SYT14: variants seen among roughly 807,000 people sequenced by gnomAD.
SYT14 encodes the protein synaptotagmin-14.
A neutral mutation model predicts 74.2 loss-of-function variants in SYT14; 32 were observed. That is an observed-to-expected ratio of 0.43 (90% CI 0.33 to 0.58). SYT14 has a LOEUF of 0.58. Ranked by LOEUF, SYT14 falls within the 20% of genes least tolerant of loss-of-function variation. SYT14 has a pLI of 0.05. For synonymous variants in SYT14, 298 were observed against 337.7 expected, an observed-to-expected ratio of 0.88 and a Z score of 1.29; for missense variants, 791 against 981.8, an observed-to-expected ratio of 0.81 and a Z score of 2.60.
chr1:210,009,085 A>G (rs1242285997), intron 2 of SYT14, among the ~76,000 whole-genome samples: 1 of 152,234 alleles, frequency 6.6e-6, no homozygotes, highest in Non-Finnish European at 1.5e-5. Context: ...GTTGGGCTGC[A>G]TTCAAAGCCA....
In SYT14 at chr1:210,027,529, G is replaced by A. The variant is rs1210818490; in HGVS notation, c.1312+6275G>A. 2.6e-5 allele frequency among the ~76,000 whole-genome samples: 4 copies of A among 152,158 alleles called. No individual in the cohort carries two copies. In the South Asian group the frequency reaches 6.2e-4, roughly 24 times the overall value. On this transcript the variant is annotated intron_variant, in intron 5 of 9. Transcript: ENST00000637265. ...TCATGTTGAGTAGGCTGAGGAGGAA[G>A]AGGAGGGGTTGGTCTTGCTGTCTCA...
At chr1:210,137,608 AG>A (rs1458417091) in intron 7 of SYT14, among the ~76,000 whole-genome samples, 1 of 151,524 alleles carries the variant, frequency 6.6e-6, no homozygotes, top group Non-Finnish European at 1.5e-5. Context: ...TAAGGTAAAT[AG>A]GTAGAGTAGG....
At chr1:210,151,068 C>T (rs549546648) in intron 7 of SYT14, among the ~76,000 whole-genome samples, 2 of 152,058 alleles carry the variant, frequency 1.3e-5, no homozygotes, top group South Asian at 2.1e-4. Context: ...TAATCCTTTA[C>T]CCTAGGGCAG....
At chr1:210,002,492 A>G (rs749458364) in intron 2 of SYT14, among the ~76,000 whole-genome samples, 19 of 151,998 alleles carry the variant, frequency 1.3e-4, no homozygotes, top group Non-Finnish European at 2.4e-4. Flanking sequence ...ATTCATTTTT[A>G]TGGCTACATA....
At chr1:210,114,102 A>G (rs1233294010) in intron 7 of SYT14, among the ~76,000 whole-genome samples, 1 of 151,460 alleles carries the variant, frequency 6.6e-6, no homozygotes, top group East Asian at 1.9e-4. Flanking sequence ...AGATCTGGGA[A>G]GGAGTCAGTC....
At chr1:209,946,011 A>G (rs538878375) in intron 1 of SYT14, among the ~76,000 whole-genome samples, 1 of 152,128 alleles carries the variant, frequency 6.6e-6, no homozygotes, top group South Asian at 2.1e-4. Flanking sequence ...TATATTTGTT[A>G]TGATGATCTG....
chr1:210,110,115 CA>C (rs1180203809), intron 7 of SYT14, among the ~76,000 whole-genome samples: 1 of 152,010 alleles, frequency 6.6e-6, no homozygotes, highest in African/African-American at 2.4e-5. Context: ...CGAGGCCTGT[CA>C]GGGGATTGAG....
At chr1:210,150,811 G>T (rs1300720111) in intron 7 of SYT14, among the ~76,000 whole-genome samples, 1 of 152,076 alleles carries the variant, frequency 6.6e-6, no homozygotes, top group Non-Finnish European at 1.5e-5. Context: ...AACATAAGTA[G>T]TTACAAGTAA....
intron 2 of SYT14, among the ~76,000 whole-genome samples, chr1:209,976,335 G>A (rs1452328565): frequency 7.1e-6 from 1 of 140,754 alleles, no homozygotes; most frequent in African/African-American, 2.7e-5. Flanking sequence ...TCTCTTGTGG[G>A]CATTTAGTGC....
chr1:209,988,378 T>C (rs1332741882), intron 2 of SYT14, among the ~76,000 whole-genome samples: 1 of 152,200 alleles, frequency 6.6e-6, no homozygotes, highest in Non-Finnish European at 1.5e-5. Context: ...TCATAATTGT[T>C]AGTGTCCCTG....
chr1:210,079,255 T>A (rs528231602), intron 5 of SYT14, among the ~76,000 whole-genome samples: 2 of 152,212 alleles, frequency 1.3e-5, no homozygotes, highest in South Asian at 4.1e-4. Flanking sequence ...TATAATAGGG[T>A]ACTATGTTCA....
At chr1:209,992,464 A>G (rs1205487139) in intron 2 of SYT14, among the ~76,000 whole-genome samples, 1 of 152,206 alleles carries the variant, frequency 6.6e-6, no homozygotes, top group African/African-American at 2.4e-5. Context: ...CTCATGGGTA[A>G]GTGGGAGATA....
chr1:210,069,862 G>A (rs953921933), intron 5 of SYT14, among the ~76,000 whole-genome samples: 2 of 150,998 alleles, frequency 1.3e-5, no homozygotes, highest in African/African-American at 4.9e-5. Flanking sequence ...TTTCAGGAAC[G>A]TGATAGTGTG....
intron 5 of SYT14, among the ~76,000 whole-genome samples, chr1:210,063,671 G>A (rs566964866): frequency 3.2e-4 from 49 of 151,468 alleles, no homozygotes; most frequent in East Asian, 2.5e-3. Context: ...TCATTTCTAC[G>A]TTGTATTCTA....
At chr1:210,014,141 A>C (rs991044764) in intron 3 of SYT14, among the ~76,000 whole-genome samples, 2 of 152,150 alleles carry the variant, frequency 1.3e-5, no homozygotes, top group Non-Finnish European at 2.9e-5. Context: ...GTAGCTCTTT[A>C]GAGAGCTTTT....
rs372691648 is a variant in SYT14 at position 209,938,858 on chromosome 1, A to T, written c.-534+581A>T. ...TAGGGGGTCCAGGAAATTTGGGGTT[A>T]GGTTAATTTCCTCCTCAAGTGGTTT... is the stretch of plus-strand genomic sequence containing the variant. On this transcript the variant is annotated intron_variant, in intron 1 of 9. Coordinates refer to ENST00000637265, the Ensembl canonical transcript of SYT14. Among the ~76,000 whole-genome samples the T allele has an allele frequency of 1.5e-4, 23 of 152,102 alleles. No homozygotes were observed. The South Asian group carries it at 4.0e-3, about 26-fold the overall frequency.
At chr1:210,021,740 G>A (rs867510905) in intron 5 of SYT14, among the ~76,000 whole-genome samples, 1 of 152,164 alleles carries the variant, frequency 6.6e-6, no homozygotes, top group Non-Finnish European at 1.5e-5. Context: ...GTGCAGAAGG[G>A]AAAACTGTCT....
At chr1:209,993,474 G>A (rs974150630) in intron 2 of SYT14, among the ~76,000 whole-genome samples, 2 of 152,244 alleles carry the variant, frequency 1.3e-5, no homozygotes, top group Non-Finnish European at 2.9e-5. Flanking sequence ...CCAGCCTGCA[G>A]CCAAGATCTG....
chr1:209,971,612 CA>C (rs2079258386), intron 2 of SYT14, among the ~76,000 whole-genome samples: 1 of 152,052 alleles, frequency 6.6e-6, no homozygotes, highest in African/African-American at 2.4e-5. Context: ...TGGATTTTAT[CA>C]AAAGCTTTTT....
Sources: allele counts gnomAD v4.1 joint callset (sites outside exome capture counted in the v4.1 genomes callset), GRCh38; gene constraint gnomAD v4.1.1; transcripts MANE v1.5; gene names NCBI Gene and HGNC (gene_info 2026-07-23, HGNC 2026-07-21).